Variants in ZFC3H1 observed in about 807,000 individuals in gnomAD.
ZFC3H1 encodes the protein zinc finger C3H1-type containing.
Under a neutral mutation model 243.7 loss-of-function variants are expected in ZFC3H1, and 71 were observed. The ratio of observed to expected loss-of-function variants is 0.29; its 90% CI spans 0.24 to 0.36. The LOEUF (loss-of-function observed/expected upper bound fraction) is 0.36. ZFC3H1 is among the 10% of genes least tolerant of loss of function. The pLI is 1.00. For missense variants in ZFC3H1, 1,966 were observed against 2,317.1 expected, an observed-to-expected ratio of 0.85 and a Z score of 3.11; for synonymous variants, 838 against 813.0, an observed-to-expected ratio of 1.03 and a Z score of -0.52.
At chr12:71,612,181 A>AT (rs150448582) in intron 31 of ZFC3H1, among the ~76,000 whole-genome samples, 4 of 151,322 alleles carry the variant, frequency 2.6e-5, no homozygotes, top group Admixed American at 1.3e-4. Flanking sequence ...TCCCACCCCA[A>AT]TTTTTTTTTA....
At position 71,636,627 on chromosome 12, in the gene ZFC3H1, A is replaced by C. The variant is rs751002867; in HGVS notation, c.1963T>G (p.Ser655Ala). ...TGTGAATTGTTCAGAACTGGAGGTG[A>C]AGGTGGGTCACTATTACTGGATGTT... Reference protein sequence around the residue: ...EETSSNSDPPSPPVLNNSHPV... With the variant: ...EETSSNSDPPAPPVLNNSHPV... The change falls in exon 9 of 35, where the codon TCA becomes GCA. Residue 655 changes from serine to alanine, a missense_variant. By Grantham distance (99) the Ser-to-Ala change is moderately conservative. This residue lies in a region of ZFC3H1 where 1,383 missense variants were observed against 1,723.7 expected (regional missense o/e 0.80). Transcript: ENST00000378743. 1 of 1,612,346 alleles carries C rather than the reference A, an allele frequency of 6.2e-7. No homozygotes were observed. Among genetic ancestry groups the C allele is most frequent in the East Asian group, 2.2e-5 (1 of 44,852 alleles).
chr12:71,627,452 C>T (rs1187524847), intron 21 of ZFC3H1, among the ~76,000 whole-genome samples: 1 of 152,068 alleles, frequency 6.6e-6, no homozygotes, highest in Non-Finnish European at 1.5e-5. Flanking sequence ...AAACAATCAA[C>T]CATTCCACTA....
intron 18 of ZFC3H1, 152 bp from the exon 19 acceptor site, chr12:71,629,862 T>C: frequency 1.8e-6 from 1 of 553,578 alleles, no homozygotes; most frequent in South Asian, 2.4e-5. Context: ...AAAGCCTGTA[T>C]TATCTTAACT....
chr12:71,612,514 T>C (rs191241733), intron 31 of ZFC3H1, among the ~76,000 whole-genome samples: 1 of 152,288 alleles, frequency 6.6e-6, no homozygotes, highest in East Asian at 1.9e-4. Context: ...CTTCTACAGA[T>C]TGGCAGGCTT....
chr12:71,617,651 T>G (rs540470410), intron 27 of ZFC3H1, among the ~76,000 whole-genome samples: 1 of 152,220 alleles, frequency 6.6e-6, no homozygotes. Flanking sequence ...AGCCTTGAAT[T>G]AGCCCTTTGC....
intron 4 of ZFC3H1, 141 bp from the exon 5 acceptor site, chr12:71,644,459 C>G: frequency 1.2e-6 from 1 of 839,912 alleles, no homozygotes. Flanking sequence ...CATTTTAGGG[C>G]CCTGTAATTC....
At chr12:71,636,436 T>C (rs1880462933) in intron 9 of ZFC3H1, 54 bp downstream of exon 9, 21 of 1,529,074 alleles carry the variant, frequency 1.4e-5, no homozygotes, top group African/African-American at 2.8e-5. Context: ...CTAAACTTCA[T>C]AGAAATTTAT....
intron 2 of ZFC3H1, among the ~76,000 whole-genome samples, chr12:71,651,072 C>G (rs1880871284): frequency 6.6e-6 from 1 of 152,174 alleles, no homozygotes; most frequent in Non-Finnish European, 1.5e-5. Flanking sequence ...AACAGAAGGG[C>G]TGGTTAAATA....
intron 10 of ZFC3H1, 109 bp from the exon 11 acceptor site, chr12:71,634,934 A>T: frequency 8.1e-7 from 1 of 1,236,900 alleles, no homozygotes; most frequent in Non-Finnish European, 1.1e-6. Context: ...TTTATTTAGA[A>T]ATACCTGAAT....
Position 71,614,951 on chromosome 12 carries a change from T to C in ZFC3H1, c.5256-13A>G, listed in dbSNP as rs1046728646. 6.3e-6 allele frequency: 10 copies of C among 1,595,264 alleles called. No homozygotes were observed. Among genetic ancestry groups the C allele is most frequent in the South Asian group, 1.1e-5 (1 of 90,430 alleles). ...AGGATGACAAAGGCTGTTTAAAAAA[T>C]GAAGGAAAACATATGTCTATCATTC... is the stretch of plus-strand genomic sequence containing the variant. On this transcript the variant is annotated splice_polypyrimidine_tract_variant and intron_variant, in intron 28 of 34. Coordinates refer to ENST00000378743, the MANE Select transcript of ZFC3H1 (RefSeq NM_144982.5).
At chr12:71,640,028 T>G (rs1592596082) in intron 6 of ZFC3H1, among the ~76,000 whole-genome samples, 2 of 151,810 alleles carry the variant, frequency 1.3e-5, no homozygotes. Context: ...TTGTTATTTA[T>G]GTATTTATTT....
chr12:71,657,071 T>C lies in ZFC3H1; in HGVS notation c.829A>G (p.Ile277Val), dbSNP rs772146992. Residue 277 changes from isoleucine (I) to valine (V), a missense_variant, in exon 2 of 35, where the codon ATT becomes GTT. Around this residue, in one of 4 missense-constraint regions of ZFC3H1, gnomAD observed 484 missense variants for 449.7 expected, o/e 1.08. Coordinates refer to ENST00000378743, the MANE Select transcript of ZFC3H1 (RefSeq NM_144982.5). Reference sequence around the variant, plus strand: ...ACTTCTTTACTTGAATCCTTTGTAATACTGACATTATCAGTGCTAGTTTGG... The same window carrying C: ...ACTTCTTTACTTGAATCCTTTGTAACACTGACATTATCAGTGCTAGTTTGG... Reference protein sequence around the residue: ...EDQTSTDNVSITKDSSKEVAP... With the variant: ...EDQTSTDNVSVTKDSSKEVAP... 8.7e-6 allele frequency: 14 copies of C among 1,613,968 alleles called. No homozygotes were observed. Among genetic ancestry groups the C allele is most frequent in the Middle Eastern group, 3.3e-4 (2 of 6,058 alleles).
In ZFC3H1 at chr12:71,615,261, T is replaced by C. The variant is rs1364412453; in HGVS notation, c.5200A>G (p.Asn1734Asp). Residue 1734 changes from asparagine to aspartate, a missense_variant, in exon 28 of 35, where the codon AAT (asparagine) becomes GAT (aspartate). Asn to Asp is a conservative substitution (Grantham distance 23, BLOSUM62 1). Coordinates refer to ENST00000378743, the MANE Select transcript of ZFC3H1 (RefSeq NM_144982.5). ...IDIPSRLCKG[N>D]FDDDMFNHQV... ...TGGTTAAACATATCATCATCAAAAT[T>C]CCCTTTACATAAACGAGATGGAATG... The C allele has an allele frequency of 6.2e-7, 1 of 1,613,568 alleles. No individual in the cohort carries two copies. Among genetic ancestry groups the C allele is most frequent in the Admixed American group, 1.7e-5 (1 of 59,958 alleles).
Position 71,611,114 on chromosome 12 carries a change from A to AAG in ZFC3H1, c.5730-18_5730-17insCT. The AAG allele has an allele frequency of 6.5e-7, 1 of 1,541,048 alleles. No individual in the cohort carries two copies. The highest frequency in any genetic ancestry group is 8.7e-7 in the Non-Finnish European group (1 of 1,150,992). On this transcript the variant is annotated splice_polypyrimidine_tract_variant and intron_variant, in intron 32 of 34. Transcript: ENST00000378743. ...GCAATGGCTCTAAGAGAAAAAAAAA[A>AAG]AAAAAGAAATATAGAAAAAGGAAAA...
intron 3 of ZFC3H1, among the ~76,000 whole-genome samples, chr12:71,645,403 A>G (rs1203129786): frequency 6.6e-6 from 1 of 152,240 alleles, no homozygotes; most frequent in Non-Finnish European, 1.5e-5. Flanking sequence ...AACCGGAAAG[A>G]GTAAAAGTCT....
chr12:71,623,305 T>C (rs1880078644), intron 24 of ZFC3H1, 55 bp downstream of exon 24: 13 of 1,400,134 alleles, frequency 9.3e-6, no homozygotes, highest in African/African-American at 2.9e-5. Context: ...TAGTTAATGT[T>C]CTAAACACTG....
chr12:71,635,700 G>T, intron 9 of ZFC3H1, 120 bp from the exon 10 acceptor site: 1 of 929,800 alleles, frequency 1.1e-6, no homozygotes, highest in Non-Finnish European at 1.5e-6. Context: ...TTCTAGGGTT[G>T]TATTACATAA....
At chr12:71,662,482 T>G (rs80057543) in intron 1 of ZFC3H1, among the ~76,000 whole-genome samples, 1 of 122,724 alleles carries the variant, frequency 8.1e-6, no homozygotes, top group Non-Finnish European at 1.8e-5. Context: ...ACCAGAGTTG[T>G]TTTTTTTTTA....
chr12:71,633,051 T>A (rs764814723), intron 13 of ZFC3H1, 34 bp from the exon 14 acceptor site: 1 of 1,559,044 alleles, frequency 6.4e-7, no homozygotes, highest in East Asian at 2.3e-5. Context: ...AAAATGTAAA[T>A]GAAAACCTTA....
Sources: gnomAD v4.1 joint callset for allele counts (sites outside exome capture counted in the v4.1 genomes callset) on GRCh38, gnomAD v4.1.1 for gene constraint, gnomAD v4.1.1 regional missense constraint, MANE v1.5 for transcripts, NCBI Gene and HGNC (gene_info 2026-07-23, HGNC 2026-07-21) for gene names.